Variants in RBMS3 observed in about 807,000 individuals in gnomAD.
RBMS3 encodes the protein RNA binding motif single stranded interacting protein 3.
RBMS3 carries 27 observed loss-of-function variants against 66.8 expected under a neutral mutation model. The ratio of observed to expected loss-of-function variants is 0.40; its 90% confidence interval spans 0.30 to 0.56. RBMS3 has a LOEUF of 0.56. Ranked by LOEUF, RBMS3 falls within the 20% of genes least tolerant of loss-of-function variation. The pLI is 0.40. For synonymous variants in RBMS3, 188 were observed against 183.0 expected, an observed-to-expected ratio of 1.03 and a Z score of -0.22; for missense variants, 513 against 549.5, an observed-to-expected ratio of 0.93 and a Z score of 0.66.
At chr3:29,723,010 T>C (rs2053709318) in intron 4 of RBMS3, among the ~76,000 whole-genome samples, 1 of 151,878 alleles carries the variant, frequency 6.6e-6, no homozygotes, top group African/African-American at 2.4e-5. Flanking sequence ...AGTTTCACTC[T>C]TGTTGCCCAG....
chr3:29,710,215 C>T (rs544402862), intron 4 of RBMS3, among the ~76,000 whole-genome samples: 1 of 152,232 alleles, frequency 6.6e-6, no homozygotes, highest in Admixed American at 6.5e-5. Context: ...TAGAAAGAAC[C>T]AGGCCTTATT....
At chr3:29,502,688 A>G (rs1369168995) in intron 3 of RBMS3, among the ~76,000 whole-genome samples, 1 of 152,102 alleles carries the variant, frequency 6.6e-6, no homozygotes, top group Non-Finnish European at 1.5e-5. Context: ...TTATATTTTG[A>G]GAATGGTTTT....
At chr3:29,628,294 C>A (rs1034660548) in intron 4 of RBMS3, among the ~76,000 whole-genome samples, 6 of 152,130 alleles carry the variant, frequency 3.9e-5, no homozygotes, top group African/African-American at 1.4e-4. Flanking sequence ...CATTGACTGT[C>A]AATGAAATTG....
chr3:30,004,591 A>G lies in RBMS3; in HGVS notation c.*729A>G, dbSNP rs924651809. 1.3e-5 allele frequency: 2 copies of G among 152,282 alleles called. No individual in the cohort carries two copies. Among genetic ancestry groups the G allele is most frequent in the African/African-American group, 2.4e-5 (1 of 41,418 alleles). 9.4% of individuals were successfully genotyped at this position (152,282 alleles called of 1,614,324 possible). ...TTTGAAGAAAATTTGTTGATAAACC[A>G]TGGCAACTGCAAGAATTGGAAAAAT... On this transcript the variant is annotated 3_prime_UTR_variant, in exon 15 of 15. Coordinates refer to ENST00000383767, the MANE Select transcript of RBMS3 (RefSeq NM_001003793.3).
At chr3:29,371,034 T>C (rs1292024279) in intron 1 of RBMS3, among the ~76,000 whole-genome samples, 2 of 152,210 alleles carry the variant, frequency 1.3e-5, no homozygotes, top group African/African-American at 4.8e-5. Context: ...ATGATTTTAT[T>C]TTTAAGCGAT....
chr3:29,912,993 C>G (rs1027241778), intron 10 of RBMS3, among the ~76,000 whole-genome samples: 15 of 151,850 alleles, frequency 9.9e-5, no homozygotes, highest in Non-Finnish European at 2.1e-4. Flanking sequence ...TCTAGTAGTT[C>G]TGTGCTGTTG....
At chr3:29,499,678 G>A (rs553901356) in intron 3 of RBMS3, among the ~76,000 whole-genome samples, 10 of 152,236 alleles carry the variant, frequency 6.6e-5, no homozygotes, top group South Asian at 4.1e-4. Flanking sequence ...GTCATTCAGC[G>A]GACACCAGCC....
At chr3:29,961,170 A>G (rs186021416) in intron 12 of RBMS3, among the ~76,000 whole-genome samples, 1 of 152,088 alleles carries the variant, frequency 6.6e-6, no homozygotes, top group African/African-American at 2.4e-5. Flanking sequence ...CTTAAGTTCA[A>G]AGTTCCACAG....
Position 30,009,323 on chromosome 3 carries a change from C to T in RBMS3, c.*5461C>T, listed in dbSNP as rs1354934540. ...GCATGTCACCTGAGGGTGGAACAAA[C>T]AATTGGAAATAAAATTTGATTATTT... On this transcript the variant is annotated 3_prime_UTR_variant, in exon 15 of 15. Coordinates refer to ENST00000383767, the MANE Select transcript of RBMS3 (RefSeq NM_001003793.3). 1 of 151,906 alleles carries T rather than the reference C, an allele frequency of 6.6e-6. No individual in the cohort carries two copies. Among genetic ancestry groups the T allele is most frequent in the Non-Finnish European group, 1.5e-5 (1 of 67,934 alleles). 9.4% of individuals were successfully genotyped at this position (151,906 alleles called of 1,614,324 possible).
intron 11 of RBMS3, among the ~76,000 whole-genome samples, chr3:29,943,273 G>T (rs960546945): frequency 6.6e-6 from 1 of 151,810 alleles, no homozygotes; most frequent in African/African-American, 2.4e-5. Flanking sequence ...ACCATGTGTT[G>T]GCAGTTGATT....
intron 10 of RBMS3, among the ~76,000 whole-genome samples, chr3:29,923,753 TG>T (rs558649955): frequency 4.6e-5 from 7 of 152,024 alleles, no homozygotes; most frequent in Non-Finnish European, 7.4e-5. Context: ...TGCATCCCCA[TG>T]TTTTTTTTTA....
intron 8 of RBMS3, among the ~76,000 whole-genome samples, chr3:29,888,145 A>G (rs2059916500): frequency 6.6e-6 from 1 of 151,730 alleles, no homozygotes; most frequent in Non-Finnish European, 1.5e-5. Flanking sequence ...TAACAATATA[A>G]CATTGTATCC....
intron 6 of RBMS3, among the ~76,000 whole-genome samples, chr3:29,830,227 C>T (rs9810228): frequency 0.092 from 14,035 of 151,794 alleles, 681 homozygotes; most frequent in East Asian, 0.16. Flanking sequence ...GAATGTTTTC[C>T]TACATTAAAA....
intron 1 of RBMS3, among the ~76,000 whole-genome samples, chr3:29,403,822 A>C (rs2039907923): frequency 6.6e-6 from 1 of 152,134 alleles, no homozygotes; most frequent in South Asian, 2.1e-4. Flanking sequence ...TAAAGGAGCC[A>C]ACATATTTTT....
intron 1 of RBMS3, among the ~76,000 whole-genome samples, chr3:29,359,292 C>T (rs1451739749): frequency 6.6e-6 from 1 of 152,164 alleles, no homozygotes; most frequent in African/African-American, 2.4e-5. Flanking sequence ...TTTTCTGCAT[C>T]TGCTGAGACA....
chr3:29,698,575 G>A, intron 4 of RBMS3: 2 of 985,310 alleles, frequency 2.0e-6, no homozygotes, highest in South Asian at 9.4e-5. Context: ...AACAAAATGA[G>A]CATGAAGAGA....
At chr3:29,592,967 T>A (rs1016434133) in intron 4 of RBMS3, among the ~76,000 whole-genome samples, 12 of 129,238 alleles carry the variant, frequency 9.3e-5, no homozygotes, top group Non-Finnish European at 7.8e-5. Flanking sequence ...ATGAGAACAC[T>A]TGGACACAGG....
intron 6 of RBMS3, among the ~76,000 whole-genome samples, chr3:29,829,638 G>A (rs896178522): frequency 1.3e-5 from 2 of 152,112 alleles, no homozygotes; most frequent in African/African-American, 4.8e-5. Flanking sequence ...CCCAACCATT[G>A]AGCATATACT....
chr3:29,731,082 C>G lies in RBMS3; in HGVS notation c.400-8638C>G, dbSNP rs548304581. ...TCACTGCCTAACTCAATTGAAGGCT[C>G]CTCAATTGATCTTGAAATAAAAGCC... On this transcript the variant is annotated intron_variant, in intron 4 of 14. Transcript: ENST00000383767. 1,014 of 945,688 alleles carry G rather than the reference C, an allele frequency of 1.1e-3. 1 individual carries two copies. The highest frequency in any genetic ancestry group is 1.2e-3 in the Non-Finnish European group (974 of 793,898). The allele number at this position is 945,688 out of a possible 1,614,324, so 58.6% of individuals were successfully genotyped here.
Sources: gnomAD v4.1 joint callset for allele counts (sites outside exome capture counted in the v4.1 genomes callset) on GRCh38, gnomAD v4.1.1 for gene constraint, MANE v1.5 for transcripts, NCBI Gene and HGNC (gene_info 2026-07-23, HGNC 2026-07-21) for gene names.